The following CDHR3 variants were observed in gnomAD, a reference collection of about 807,000 sequenced individuals.
The protein encoded by CDHR3 is cadherin related family member 3, also known as cadherin-related family member 3.
Under a neutral mutation model 86.6 loss-of-function variants are expected in CDHR3, and 79 were observed. That is an observed-to-expected ratio of 0.91 (90% CI 0.76 to 1.10). The LOEUF is 1.10. CDHR3 is among the 50% of genes least tolerant of loss of function. The probability of loss-of-function intolerance (pLI) is 0.00; values close to 1 mark genes in which losing one functional copy is unlikely to be tolerated. For synonymous variants in CDHR3, 421 were observed against 402.4 expected, an observed-to-expected ratio of 1.05 and a Z score of -0.55; for missense variants, 1,081 against 1,077.6, an observed-to-expected ratio of 1.00 and a Z score of -0.04.
intron 4 of CDHR3, among the ~76,000 whole-genome samples, chr7:105,987,871 G>A (rs1450881328): frequency 6.6e-6 from 1 of 152,160 alleles, no homozygotes; most frequent in Non-Finnish European, 1.5e-5. Context: ...CAATTATTCT[G>A]GACGAAAAGG....
chr7:106,029,261 A>G (rs1585870031), intron 17 of CDHR3, among the ~76,000 whole-genome samples: 1 of 152,234 alleles, frequency 6.6e-6, no homozygotes, highest in East Asian at 1.9e-4. Context: ...GATTATAGGC[A>G]TGAGCCACTG....
chr7:106,020,551 T>C lies in CDHR3; in HGVS notation c.1825+7T>C. On this transcript the variant is annotated splice_region_variant and intron_variant, in intron 13 of 18. Coordinates refer to ENST00000317716, the MANE Select transcript of CDHR3 (RefSeq NM_152750.5). The stretch of plus-strand genomic sequence containing the variant: ...CGTTATTCCATTGGCCCAGGTATAG[T>C]ACTTGGTGTCGACAATCCTGGCCCT... 6.2e-7 allele frequency: 1 copy of C among 1,609,738 alleles called. No individual in the cohort carries two copies. The highest frequency in any genetic ancestry group is 8.5e-7 in the Non-Finnish European group (1 of 1,176,752).
intron 2 of CDHR3, among the ~76,000 whole-genome samples, chr7:105,977,289 C>T (rs1828976014): frequency 6.6e-6 from 1 of 152,236 alleles, no homozygotes; most frequent in Non-Finnish European, 1.5e-5. Context: ...GGCTTTCTGT[C>T]ATATTGCCAT....
rs993398809 is a variant in CDHR3 at position 105,978,864 on chromosome 7, A to G, written c.250-2104A>G. Among the ~76,000 whole-genome samples the G allele has an allele frequency of 6.0e-5, 9 of 149,592 alleles. No individual in the cohort carries two copies. The South Asian group carries it at 1.9e-3, about 31-fold the overall frequency. ...ACTCCCCAAGGAGAAGAGGCTGGCA[A>G]TAGGTAATACTGAGGTCAAGGATCT... On this transcript the variant is annotated intron_variant, in intron 2 of 18. Transcript: ENST00000317716.
At chr7:105,969,824 G>T (rs1209728965) in intron 1 of CDHR3, among the ~76,000 whole-genome samples, 1 of 152,120 alleles carries the variant, frequency 6.6e-6, no homozygotes. Context: ...TAAAACTGTA[G>T]ATTTATAAGC....
chr7:106,021,134 T>G (rs1218442053), intron 13 of CDHR3, among the ~76,000 whole-genome samples: 1 of 152,146 alleles, frequency 6.6e-6, no homozygotes, highest in Non-Finnish European at 1.5e-5. Context: ...TCTGCTCCAT[T>G]CATCTTCTGT....
rs1463142577 is a variant in CDHR3, at chr7:105,984,247, G to A, written c.471G>A (p.Glu157=). The A allele has an allele frequency of 4.3e-6, 7 of 1,610,990 alleles. No homozygotes were observed. The highest frequency in any genetic ancestry group is 5.9e-6 in the Non-Finnish European group (7 of 1,177,942). ...ACCCTGGATTCATTTACCAGGTTGA[G>A]GCCTTCGATCCAGAAGACACAAGCC... ...RANPGFIYQV[E]AFDPEDTSRN... Residue 157 remains glutamate, a synonymous_variant, in exon 4 of 19, where the codon GAG becomes GAA. Transcript: ENST00000317716.
chr7:105,964,368 G>T (rs141149195), intron 1 of CDHR3, among the ~76,000 whole-genome samples: 2 of 151,942 alleles, frequency 1.3e-5, no homozygotes, highest in African/African-American at 4.8e-5. Context: ...TATTTGGCAT[G>T]GTTTTTCAGG....
Position 106,015,991 on chromosome 7 carries a change from A to T in CDHR3, c.1392A>T (p.Pro464=), listed in dbSNP as rs139947243. Reference sequence around the variant, plus strand: ...AGTTTCCTCTCATTTTTGATAGGCCATCCTATGTATTTGATGTGTCAGAAA... The same window carrying T: ...AGTTTCCTCTCATTTTTGATAGGCCTTCCTATGTATTTGATGTGTCAGAAA... ...ENEFPLIFDR[P]SYVFDVSERR... is the part of the protein sequence containing the mutation. Residue 464 remains proline (P), a synonymous_variant, in exon 11 of 19, where the codon CCA becomes CCT. Transcript: ENST00000317716. 3.1e-6 allele frequency: 5 copies of T among 1,612,678 alleles called. No homozygotes were observed. The highest frequency in any genetic ancestry group is 1.3e-5 in the African/African-American group (1 of 74,930).
At chr7:105,981,944 C>T (rs1351088813) in intron 3 of CDHR3, among the ~76,000 whole-genome samples, 2 of 152,096 alleles carry the variant, frequency 1.3e-5, no homozygotes, top group Admixed American at 1.3e-4. Flanking sequence ...TAAATATACC[C>T]AGAACCTGGC....
In CDHR3 at chr7:106,030,880, A is replaced by G. The variant is rs1838224910; in HGVS notation, c.2353+40A>G. 6.4e-7 allele frequency: 1 copy of G among 1,555,396 alleles called. No individual in the cohort carries two copies. Reference sequence around the variant, plus strand: ...ATACCACTGTAAGAATGCTTTTTATATTCCAGACTGGTAGAAGCATGGAGG... The same window carrying G: ...ATACCACTGTAAGAATGCTTTTTATGTTCCAGACTGGTAGAAGCATGGAGG... On this transcript the variant is annotated intron_variant, in intron 18 of 18. Coordinates refer to ENST00000317716, the MANE Select transcript of CDHR3 (RefSeq NM_152750.5). This position sits in a 1 kb window ranked among gnomAD's most constrained non-coding sequence, Gnocchi z 4.8.
chr7:106,016,837 AT>A (rs1227283763), intron 11 of CDHR3, among the ~76,000 whole-genome samples: 1 of 152,224 alleles, frequency 6.6e-6, no homozygotes, highest in Non-Finnish European at 1.5e-5. Context: ...TGAATAACAA[AT>A]TCGAAAGGAA....
intron 5 of CDHR3, 52 bp from the exon 6 acceptor site, chr7:105,996,198 G>T: frequency 1.0e-6 from 1 of 984,230 alleles, no homozygotes; most frequent in Non-Finnish European, 1.6e-6. Context: ...ATCCTATTTT[G>T]AAGTAGTGCC....
intron 8 of CDHR3, among the ~76,000 whole-genome samples, chr7:106,007,378 A>T (rs190784405): frequency 1.3e-5 from 2 of 152,336 alleles, no homozygotes; most frequent in East Asian, 1.9e-4. Flanking sequence ...TTTCCTTTCT[A>T]TCGCATTGTC....
intron 6 of CDHR3, among the ~76,000 whole-genome samples, chr7:105,999,168 C>T (rs1832735662): frequency 6.6e-6 from 1 of 152,256 alleles, no homozygotes; most frequent in African/African-American, 2.4e-5. Context: ...CACCTAGCTT[C>T]ACTGTGCTTT....
chr7:105,969,529 G>C (rs1447991886), intron 1 of CDHR3, among the ~76,000 whole-genome samples: 3 of 152,036 alleles, frequency 2.0e-5, no homozygotes, highest in Non-Finnish European at 4.4e-5. Flanking sequence ...TGGTCTCAAC[G>C]AGGACCTTCT....
At chr7:106,028,375 T>G (rs2115915277) in intron 16 of CDHR3, 176 bp from the exon 17 acceptor site, 1 of 719,818 alleles carries the variant, frequency 1.4e-6, no homozygotes, top group Non-Finnish European at 2.5e-6. Flanking sequence ...GTACGTATTT[T>G]TTTCTGAGAA....
chr7:105,993,149 C>T (rs1831619299), intron 4 of CDHR3, among the ~76,000 whole-genome samples: 3 of 152,182 alleles, frequency 2.0e-5, no homozygotes, highest in Admixed American at 2.0e-4. Context: ...GATCTAAGGC[C>T]TTGAGGATAG....
intron 4 of CDHR3, among the ~76,000 whole-genome samples, chr7:105,993,700 AAAAAAG>A (rs1442090945): frequency 4.2e-5 from 6 of 144,342 alleles, no homozygotes; most frequent in South Asian, 2.1e-4. Flanking sequence ...AAAAAAAAAA[AAAAAAG>A]AAGAAGAAGA....
Sources: gnomAD v4.1 joint callset for allele counts (sites outside exome capture counted in the v4.1 genomes callset) on GRCh38, gnomAD v4.1.1 for gene constraint, Gnocchi (gnomAD v3.1) non-coding constraint, MANE v1.5 for transcripts, NCBI Gene and HGNC (gene_info 2026-07-23, HGNC 2026-07-21) for gene names.